SUPT3H: variants seen among roughly 807,000 people sequenced by gnomAD.
SUPT3H encodes the protein SPT3 homolog, SAGA and STAGA complex component.
SUPT3H carries 44 observed loss-of-function variants against 44.3 expected under a neutral mutation model. The ratio of observed to expected loss-of-function variants is 0.99; its 90% confidence interval spans 0.78 to 1.28. SUPT3H has a LOEUF of 1.28. Among genes scored for constraint, SUPT3H ranks in the 50% most tolerant of loss-of-function variants. SUPT3H has a pLI of 0.00. For synonymous variants in SUPT3H, 124 were observed against 125.6 expected, an observed-to-expected ratio of 0.99 and a Z score of 0.09; for missense variants, 380 against 387.1, an observed-to-expected ratio of 0.98 and a Z score of 0.15.
chr6:44,899,936 T>C (rs910628975), intron 10 of SUPT3H, among the ~76,000 whole-genome samples: 40 of 152,212 alleles, frequency 2.6e-4, no homozygotes, highest in Admixed American at 2.6e-3. Context: ...AGTGATAATG[T>C]CATTGTTTTC....
intron 2 of SUPT3H, among the ~76,000 whole-genome samples, chr6:45,120,427 A>AAAAAAAAAAAAAAAAAAAC (rs1801474867): frequency 6.8e-6 from 1 of 147,090 alleles, no homozygotes; most frequent in South Asian, 2.1e-4. Context: ...TAAAAAAAAA[A>AAAAAAAAAAAAAAAAAAAC]AAAAAAAAAA....
intron 2 of SUPT3H, among the ~76,000 whole-genome samples, chr6:45,253,281 A>G (rs1337862326): frequency 6.6e-6 from 1 of 152,220 alleles, no homozygotes; most frequent in Non-Finnish European, 1.5e-5. Context: ...ATAGCAGATA[A>G]TTTACAAAGA....
chr6:45,259,930 CT>C (rs1774080573), intron 2 of SUPT3H, among the ~76,000 whole-genome samples: 1 of 152,250 alleles, frequency 6.6e-6, no homozygotes, highest in African/African-American at 2.4e-5. Context: ...TTAGATAGTT[CT>C]TTTTCTCTTG....
chr6:45,266,834 C>T (rs1472628519), intron 2 of SUPT3H, among the ~76,000 whole-genome samples: 1 of 151,990 alleles, frequency 6.6e-6, no homozygotes, highest in Non-Finnish European at 1.5e-5. Context: ...TAAATGAGTA[C>T]AGCTTAAGCA....
chr6:45,061,847 C>T (rs1792114510), intron 3 of SUPT3H, among the ~76,000 whole-genome samples: 1 of 149,164 alleles, frequency 6.7e-6, no homozygotes, highest in African/African-American at 2.5e-5. Context: ...TTCAGAGTTA[C>T]ACCCCAAAAT....
intron 2 of SUPT3H, among the ~76,000 whole-genome samples, chr6:45,318,409 G>A (rs1210831350): frequency 6.6e-6 from 1 of 152,052 alleles, no homozygotes; most frequent in Non-Finnish European, 1.5e-5. Context: ...GTAAACTGTG[G>A]ACTTTAGCTA....
intron 2 of SUPT3H, among the ~76,000 whole-genome samples, chr6:45,237,550 T>C (rs936690503): frequency 1.3e-5 from 2 of 152,114 alleles, no homozygotes; most frequent in Admixed American, 1.3e-4. Flanking sequence ...AGGACAAAAT[T>C]TGCAAGGTTT....
downstream of SUPT3H, among the ~76,000 whole-genome samples, chr6:44,825,783 C>G (rs543204608): frequency 3.2e-4 from 48 of 152,066 alleles, no homozygotes; most frequent in Non-Finnish European, 6.6e-4. Context: ...TGAGCCTTGC[C>G]TCCTTCTTTT....
intron 2 of SUPT3H, among the ~76,000 whole-genome samples, chr6:45,320,355 C>G (rs1785293431): frequency 6.6e-6 from 1 of 152,092 alleles, no homozygotes; most frequent in Non-Finnish European, 1.5e-5. Context: ...CCTGCACCTC[C>G]TGGGGTCAGG....
chr6:45,276,111 T>C (rs1776967446), intron 2 of SUPT3H, among the ~76,000 whole-genome samples: 1 of 152,060 alleles, frequency 6.6e-6, no homozygotes, highest in Admixed American at 6.5e-5. Context: ...AACAACGCAC[T>C]AAAATATTCT....
At chr6:45,045,225 G>C (rs1217999919) in intron 3 of SUPT3H, among the ~76,000 whole-genome samples, 1 of 152,064 alleles carries the variant, frequency 6.6e-6, no homozygotes, top group East Asian at 1.9e-4. Flanking sequence ...GAGAATCCTA[G>C]AAGACCATCA....
At chr6:44,910,994 CAAAAAAAAAAAAAA>C (rs34384511) in intron 10 of SUPT3H, among the ~76,000 whole-genome samples, 1 of 62,696 alleles carries the variant, frequency 1.6e-5, no homozygotes, top group South Asian at 9.0e-4. Context: ...GACTCCATCT[CAAAAAAAAAAAAAA>C]AAAAAAAAAA....
chr6:45,375,097 C>A (rs201093685), intron 1 of SUPT3H, among the ~76,000 whole-genome samples: 1 of 152,120 alleles, frequency 6.6e-6, no homozygotes, highest in Non-Finnish European at 1.5e-5. Context: ...ATCCCAGCTA[C>A]TCGGGAGGCT....
intron 2 of SUPT3H, among the ~76,000 whole-genome samples, chr6:45,251,885 A>G (rs997976816): frequency 2.6e-5 from 4 of 152,190 alleles, no homozygotes; most frequent in Non-Finnish European, 4.4e-5. Flanking sequence ...TTCATAGTAT[A>G]AAAGAACAGG....
intron 2 of SUPT3H, among the ~76,000 whole-genome samples, chr6:45,107,789 G>T (rs1400322422): frequency 1.3e-5 from 2 of 152,146 alleles, no homozygotes; most frequent in Non-Finnish European, 2.9e-5. Flanking sequence ...CATCAAGAAT[G>T]AGAGTGAGCA....
intron 10 of SUPT3H, among the ~76,000 whole-genome samples, chr6:44,885,073 G>A (rs1433091464): frequency 7.2e-5 from 11 of 152,292 alleles, no homozygotes; most frequent in Middle Eastern, 3.4e-3. Context: ...AGGGGCACCC[G>A]CCATTGCCCA....
At chr6:45,179,110 A>C (rs1470973727) in intron 2 of SUPT3H, among the ~76,000 whole-genome samples, 1 of 152,166 alleles carries the variant, frequency 6.6e-6, no homozygotes, top group African/African-American at 2.4e-5. Flanking sequence ...CCTCTACGCA[A>C]ATAAACTAGA....
chr6:45,359,787 T>C (rs1244847220), intron 2 of SUPT3H, among the ~76,000 whole-genome samples: 1 of 152,210 alleles, frequency 6.6e-6, no homozygotes, highest in East Asian at 1.9e-4. Flanking sequence ...CTTATGCTTC[T>C]AATCCCAACC....
At chr6:44,939,617 G>A (rs1366939882) in intron 9 of SUPT3H, among the ~76,000 whole-genome samples, 3 of 151,804 alleles carry the variant, frequency 2.0e-5, no homozygotes, top group Non-Finnish European at 2.9e-5. Flanking sequence ...AATTTTTTGG[G>A]GCAGGTTCAG....
Sources: gnomAD v4.1 joint callset for allele counts (sites outside exome capture counted in the v4.1 genomes callset) on GRCh38, gnomAD v4.1.1 for gene constraint, MANE v1.5 for transcripts, NCBI Gene and HGNC (gene_info 2026-07-23, HGNC 2026-07-21) for gene names.